Variants in FYN observed in about 807,000 individuals in gnomAD.
The protein encoded by FYN is FYN proto-oncogene, Src family tyrosine kinase, also known as tyrosine-protein kinase Fyn.
FYN carries 10 observed loss-of-function variants against 70.2 expected under a neutral mutation model. The ratio of observed to expected loss-of-function variants is 0.14; its 90% CI spans 0.09 to 0.24. The LOEUF is 0.24. Among genes scored for constraint, FYN ranks in the 10% least tolerant of loss-of-function variants. The pLI is 1.00. For missense variants in FYN, 319 were observed against 673.1 expected, an observed-to-expected ratio of 0.47 and a Z score of 5.82; for synonymous variants, 236 against 248.6, an observed-to-expected ratio of 0.95 and a Z score of 0.48.
intron 13 of FYN, among the ~76,000 whole-genome samples, chr6:111,664,131 T>C (rs1797891910): frequency 2.0e-5 from 3 of 152,222 alleles, no homozygotes; most frequent in Admixed American, 2.0e-4. Flanking sequence ...GTAGCAGAAC[T>C]GGCACTCTCC....
intron 12 of FYN, among the ~76,000 whole-genome samples, chr6:111,692,637 C>T (rs1241714959): frequency 6.6e-6 from 1 of 152,178 alleles, no homozygotes; most frequent in Non-Finnish European, 1.5e-5. Flanking sequence ...AGTTCAAAGT[C>T]CAGGAAAAGG....
chr6:111,846,705 C>T (rs1455152104), intron 1 of FYN, 76 bp from the exon 2 acceptor site: 1 of 398,358 alleles, frequency 2.5e-6, no homozygotes, highest in Non-Finnish European at 4.4e-6. Flanking sequence ...ACCCACAAAG[C>T]ACCACCATAG....
rs1485360685 is a variant in FYN at position 111,790,326 on chromosome 6, A to C, written c.-81-9691T>G. Among the ~76,000 whole-genome samples the C allele has an allele frequency of 2.0e-5, 3 of 151,884 alleles. No individual in the cohort carries two copies. The South Asian group carries it at 6.2e-4, about 32-fold the overall frequency. On this transcript the variant is annotated intron_variant, in intron 2 of 13. Coordinates refer to ENST00000354650, the MANE Select transcript of FYN (RefSeq NM_002037.5). ...CTGAAGGGCTCAACTCCAAAATATTAGATAAAAGTGCAACAGAACAGCTCT... is the reference window on the plus strand; with the variant it reads ...CTGAAGGGCTCAACTCCAAAATATTCGATAAAAGTGCAACAGAACAGCTCT...
intron 2 of FYN, among the ~76,000 whole-genome samples, chr6:111,819,543 G>A (rs1772592108): frequency 6.6e-6 from 1 of 151,754 alleles, no homozygotes; most frequent in Non-Finnish European, 1.5e-5. Context: ...TACTTGAACT[G>A]CCTTCCCCGA....
chr6:111,681,668 A>C (rs1489972231), intron 12 of FYN, among the ~76,000 whole-genome samples: 1 of 152,140 alleles, frequency 6.6e-6, no homozygotes, highest in Admixed American at 6.5e-5. Context: ...AGCCTTCACT[A>C]ATCTCTCCAA....
intron 2 of FYN, among the ~76,000 whole-genome samples, chr6:111,834,828 C>A (rs1186746570): frequency 2.6e-5 from 4 of 152,180 alleles, no homozygotes; most frequent in East Asian, 1.9e-4. Context: ...AGTGGTACCT[C>A]ACTACTACTG....
chr6:111,706,828 T>C (rs952905602), intron 6 of FYN, among the ~76,000 whole-genome samples: 5 of 152,190 alleles, frequency 3.3e-5, no homozygotes, highest in African/African-American at 1.2e-4. Context: ...CACAAAGATG[T>C]TTGCAAATCT....
At chr6:111,678,974 C>T (rs184687055) in intron 12 of FYN, among the ~76,000 whole-genome samples, 3 of 152,098 alleles carry the variant, frequency 2.0e-5, no homozygotes, top group East Asian at 3.9e-4. Flanking sequence ...CTCAGCATGT[C>T]CCCCCCTGGG....
At chr6:111,663,100 C>T (rs1797834298) in intron 13 of FYN, among the ~76,000 whole-genome samples, 1 of 152,210 alleles carries the variant, frequency 6.6e-6, no homozygotes, top group Admixed American at 6.5e-5. Context: ...TTTTGCTTCC[C>T]TTTTTCATTG....
chr6:111,662,057 C>T (rs1039990087), intron 13 of FYN, 110 bp from the exon 14 acceptor site: 41 of 837,232 alleles, frequency 4.9e-5, no homozygotes, highest in Non-Finnish European at 6.3e-5. Context: ...CTAAAACATG[C>T]GGAGTACTCC....
chr6:111,808,479 C>T (rs777180296), intron 2 of FYN, among the ~76,000 whole-genome samples: 10 of 152,162 alleles, frequency 6.6e-5, no homozygotes, highest in Non-Finnish European at 1.3e-4. Flanking sequence ...AGGGCTGTAG[C>T]GAATCAGGAG....
At chr6:111,705,139 C>T (rs1800011935) in intron 6 of FYN, among the ~76,000 whole-genome samples, 1 of 151,966 alleles carries the variant, frequency 6.6e-6, no homozygotes, top group Non-Finnish European at 1.5e-5. Flanking sequence ...TGGGAAATAA[C>T]AAAACACAGT....
chr6:111,812,879 T>C (rs1392681570), intron 2 of FYN, among the ~76,000 whole-genome samples: 2 of 152,114 alleles, frequency 1.3e-5, no homozygotes, highest in East Asian at 1.9e-4. Flanking sequence ...AAAGACATCA[T>C]GAACATACTA....
chr6:111,855,262 G>T (rs1043334642), intron 1 of FYN, among the ~76,000 whole-genome samples: 1 of 152,036 alleles, frequency 6.6e-6, no homozygotes, highest in African/African-American at 2.4e-5. Context: ...CAGGTAAAAC[G>T]TCTCATATTA....
In FYN at chr6:111,721,092, C is replaced by T. The variant is rs1800913429; in HGVS notation, c.-11-1030G>A. On this transcript the variant is annotated intron_variant, in intron 3 of 13. Coordinates refer to ENST00000354650, the MANE Select transcript of FYN (RefSeq NM_002037.5). ...ATAACCTTGAACACTTTTTCCCCTT[C>T]CTCTTTGATATGTGACGTATCCATG... Among the ~76,000 whole-genome samples the T allele has an allele frequency of 2.6e-5, 4 of 152,304 alleles. No individual in the cohort carries two copies. In the South Asian group the frequency reaches 8.3e-4, roughly 32 times the overall value.
chr6:111,837,293 G>GT (rs1773217485), intron 2 of FYN, among the ~76,000 whole-genome samples: 1 of 151,952 alleles, frequency 6.6e-6, no homozygotes, highest in South Asian at 2.1e-4. Context: ...CCCTCATCTG[G>GT]TAACAGTAGA....
chr6:111,861,988 C>T (rs910593945), intron 1 of FYN, among the ~76,000 whole-genome samples: 2 of 152,194 alleles, frequency 1.3e-5, no homozygotes, highest in Non-Finnish European at 2.9e-5. Context: ...GAGGAAGGCA[C>T]TTCCACAGCC....
At chr6:111,699,399 C>T in intron 9 of FYN, 2 of 1,093,982 alleles carry the variant, frequency 1.8e-6, no homozygotes, top group Non-Finnish European at 2.7e-6. Flanking sequence ...CTGTGCCCGT[C>T]TAGTTATCCA....
chr6:111,738,900 C>T (rs1281931129), intron 3 of FYN, among the ~76,000 whole-genome samples: 1 of 152,094 alleles, frequency 6.6e-6, no homozygotes, highest in Non-Finnish European at 1.5e-5. Flanking sequence ...CGGGGAGGGG[C>T]TTTCTGCCTT....
Sources: allele counts gnomAD v4.1 joint callset (sites outside exome capture counted in the v4.1 genomes callset), GRCh38; gene constraint gnomAD v4.1.1; transcripts MANE v1.5; gene names NCBI Gene and HGNC (gene_info 2026-07-23, HGNC 2026-07-21).